RNF145: variants seen among roughly 807,000 people sequenced by gnomAD.
The protein encoded by RNF145 is ring finger protein 145.
In RNF145, 12 loss-of-function variants were observed where a neutral mutation model predicts 57.3. That is an observed-to-expected ratio of 0.21 (90% confidence interval 0.13 to 0.34). RNF145 has a LOEUF of 0.34. Among genes scored for constraint, RNF145 ranks in the 10% least tolerant of loss-of-function variants. The probability of loss-of-function intolerance (pLI) is 1.00; values close to 1 mark genes in which losing one functional copy is unlikely to be tolerated. For synonymous variants in RNF145, 262 were observed against 288.3 expected (o/e 0.91, Z 0.92); for missense variants, 429 against 799.0 (o/e 0.54, Z 5.58).
intron 9 of RNF145, among the ~76,000 whole-genome samples, chr5:159,162,458 C>T (rs1390873260): frequency 1.3e-3 from 177 of 136,882 alleles, no homozygotes; most frequent in African/African-American, 4.7e-3. Flanking sequence ...GACGGAGTCT[C>T]GCTCTGTCGC....
At chr5:159,207,897 C>A (rs1453162528) in intron 1 of RNF145, 1 of 1,612,964 alleles carries the variant, frequency 6.2e-7, no homozygotes, top group Non-Finnish European at 8.5e-7. Context: ...CCTCTGCCAT[C>A]GGCCGCTCAG....
intron 2 of RNF145, among the ~76,000 whole-genome samples, chr5:159,198,197 G>GT (rs1476947458): frequency 5.9e-5 from 9 of 151,784 alleles, no homozygotes; most frequent in Non-Finnish European, 1.3e-4. Flanking sequence ...AGCTAAGATT[G>GT]TACCACTGCA....
intron 2 of RNF145, among the ~76,000 whole-genome samples, chr5:159,195,342 T>A (rs1357307240): frequency 1.3e-5 from 2 of 152,068 alleles, no homozygotes; most frequent in Admixed American, 1.3e-4. Context: ...AAAAAAAAAA[T>A]AAACTTCTTT....
At chr5:159,206,366 G>A (rs189960871) in intron 1 of RNF145, among the ~76,000 whole-genome samples, 29 of 152,152 alleles carry the variant, frequency 1.9e-4, no homozygotes, top group African/African-American at 6.7e-4. Flanking sequence ...GAAAATCAAA[G>A]AGAAAAAAAT....
intron 6 of RNF145, among the ~76,000 whole-genome samples, chr5:159,171,693 G>A (rs931262534): frequency 6.6e-6 from 1 of 152,016 alleles, no homozygotes; most frequent in African/African-American, 2.4e-5. Flanking sequence ...TTGTTGGTTG[G>A]TGTGTTTGTT....
intron 8 of RNF145, among the ~76,000 whole-genome samples, chr5:159,167,167 T>C (rs185664005): frequency 1.2e-3 from 180 of 152,306 alleles, no homozygotes; most frequent in African/African-American, 4.2e-3. Flanking sequence ...TTTTAAAACA[T>C]ACTGGCATGT....
intron 4 of RNF145, among the ~76,000 whole-genome samples, chr5:159,181,095 T>C (rs1204311448): frequency 6.9e-6 from 1 of 145,194 alleles, no homozygotes; most frequent in East Asian, 2.0e-4. Flanking sequence ...AAAAATGTTT[T>C]CCCAGCCTGG....
chr5:159,184,299 TAG>T (rs1784990286), intron 3 of RNF145, among the ~76,000 whole-genome samples: 1 of 152,264 alleles, frequency 6.6e-6, no homozygotes, highest in Non-Finnish European at 1.5e-5. Context: ...TGTCTTTCTT[TAG>T]AGTTTCTTAC....
chr5:159,198,018 T>A (rs1785515916), intron 2 of RNF145, among the ~76,000 whole-genome samples: 1 of 151,872 alleles, frequency 6.6e-6, no homozygotes, highest in Admixed American at 6.6e-5. Context: ...AAGCAGAAGA[T>A]CACTTGAGCT....
rs1325756729 is a variant in RNF145 at position 159,182,038 on chromosome 5, T to C, written c.307A>G (p.Ser103Gly). The change falls in exon 4 of 11, where the codon AGT (serine) becomes GGT (glycine). Residue 103 changes from serine to glycine, a missense_variant. Physicochemically the swap from Ser to Gly is moderately conservative, Grantham distance 56. Around this residue, in one of 4 missense-constraint regions of RNF145, gnomAD observed 109 missense variants for 207.2 expected, o/e 0.53. Transcript: ENST00000424310. ...GHQISRDYVR[S>G]ELEFAYEGPM... ...CCCTCATAGGCAAACTCCAGTTCAC[T>C]CCGAACATAGTCCCTAAATAAGAAA... 1 of 1,601,918 alleles carries C rather than the reference T, an allele frequency of 6.2e-7. No individual in the cohort carries two copies. The highest frequency in any genetic ancestry group is 8.6e-7 in the Non-Finnish European group (1 of 1,169,454).
chr5:159,174,838 A>C (rs1200791961), intron 5 of RNF145, among the ~76,000 whole-genome samples: 1 of 152,152 alleles, frequency 6.6e-6, no homozygotes, highest in Non-Finnish European at 1.5e-5. Flanking sequence ...TTTCCAGTTT[A>C]TAAAACACTC....
rs1287907593 is a variant in RNF145 at position 159,203,620 on chromosome 5, TG to T, written c.-4del. On this transcript the variant is annotated 5_prime_UTR_variant, in exon 2 of 11. Transcript: ENST00000424310. ...TCCAGTTTCTCCTTTGCAGCCATGT[TG>T]TTTTTTTTTTTCTTTTTTTTTTTCT... is the stretch of plus-strand genomic sequence containing the variant. The T allele has an allele frequency of 8.8e-6, 14 of 1,598,438 alleles. No homozygotes were observed. The highest frequency in any genetic ancestry group is 1.7e-4 in the Middle Eastern group (1 of 6,002).
chr5:159,165,119 A>C (rs1784350111), intron 8 of RNF145, among the ~76,000 whole-genome samples: 1 of 152,182 alleles, frequency 6.6e-6, no homozygotes, highest in African/African-American at 2.4e-5. Flanking sequence ...CCTTTTATTT[A>C]GTCAGTAATC....
At chr5:159,178,162 G>A (rs1184612949) in intron 4 of RNF145, among the ~76,000 whole-genome samples, 3 of 151,758 alleles carry the variant, frequency 2.0e-5, no homozygotes, top group Admixed American at 6.6e-5. Flanking sequence ...ACAAATAGCT[G>A]TATTTTCTTT....
chr5:159,163,628 T>A (rs180980179), intron 8 of RNF145, among the ~76,000 whole-genome samples: 1 of 152,204 alleles, frequency 6.6e-6, no homozygotes, highest in Non-Finnish European at 1.5e-5. Context: ...ATCTACTACC[T>A]GGTTTTCCTC....
chr5:159,209,824 G>T (rs1180143643), upstream of RNF145: 1 of 1,534,120 alleles, frequency 6.5e-7, no homozygotes, highest in East Asian at 2.4e-5. Context: ...CAAACACCAC[G>T]GGCCGCAAGC....
chr5:159,195,029 T>C (rs1267360237), intron 2 of RNF145, among the ~76,000 whole-genome samples: 6 of 152,244 alleles, frequency 3.9e-5, no homozygotes, highest in Non-Finnish European at 2.9e-5. Flanking sequence ...TTCACTTCTT[T>C]TGTAGATTTC....
intron 1 of RNF145, chr5:159,207,376 AAG>A: frequency 1.3e-6 from 1 of 750,298 alleles, no homozygotes. Context: ...TAAAAAGACA[AAG>A]AAAAAACAAG....
intron 9 of RNF145, among the ~76,000 whole-genome samples, chr5:159,161,880 T>TAA (rs1784229562): frequency 1.3e-5 from 2 of 152,236 alleles, no homozygotes; most frequent in African/African-American, 4.8e-5. Flanking sequence ...GTGACTTTCC[T>TAA]AAAATGATTC....
Sources: allele counts gnomAD v4.1 joint callset (sites outside exome capture counted in the v4.1 genomes callset), GRCh38; gene constraint gnomAD v4.1.1; regional missense constraint gnomAD v4.1.1; transcripts MANE v1.5; gene names NCBI Gene and HGNC (gene_info 2026-07-23, HGNC 2026-07-21).